Variants in ZNF668 observed in about 807,000 individuals in gnomAD.
ZNF668 encodes zinc finger protein 668.
ZNF668 carries 10 observed loss-of-function variants against 40.3 expected under a neutral mutation model. The observed-to-expected ratio is 0.25, with a 90% CI of 0.15 to 0.42. ZNF668 has a LOEUF of 0.42. Ranked by LOEUF, ZNF668 falls within the 10% of genes least tolerant of loss-of-function variation. The pLI, the probability that ZNF668 is intolerant of heterozygous loss-of-function variation, is 1.00. For synonymous variants in ZNF668, 428 were observed against 384.6 expected (o/e 1.11, Z -1.32); for missense variants, 749 against 904.6 (o/e 0.83, Z 2.21).
At position 31,061,668 on chromosome 16, in the gene ZNF668, C is replaced by T; in HGVS notation, c.1260G>A (p.Ala420=). The part of the protein sequence containing the change: ...HERTHRSSEA[A]GVPPAQELVV... ...CCAGCTCCTGTGCAGGGGGCACACC[C>T]GCGGCCTCACTGCTTCGATGGGTCC... Residue 420 remains alanine, a synonymous_variant, in exon 3 of 3, where the codon GCG becomes GCA. Transcript: ENST00000300849. The surrounding 1 kb of genome is among the most constrained non-coding windows in gnomAD (Gnocchi z 7.7). 8 of 1,613,246 alleles carry T rather than the reference C, an allele frequency of 5.0e-6. No individual in the cohort carries two copies. Among genetic ancestry groups the T allele is most frequent in the Non-Finnish European group, 6.8e-6 (8 of 1,179,900 alleles).
chr16:31,069,619 A>G (rs1178967766), intron 1 of ZNF668, among the ~76,000 whole-genome samples: 4 of 151,846 alleles, frequency 2.6e-5, no homozygotes, highest in Admixed American at 2.6e-4. Flanking sequence ...ACCTTTCTCA[A>G]TGCTATCTTT....
intron 1 of ZNF668, chr16:31,065,902 G>T: frequency 2.7e-6 from 1 of 372,326 alleles, no homozygotes; most frequent in Non-Finnish European, 3.7e-6. Context: ...CACGTTAGGG[G>T]TTGGTGGCTT....
In ZNF668 at chr16:31,063,889, C is replaced by G; in HGVS notation, c.571G>C (p.Ala191Pro). 2 of 1,594,132 alleles carry G rather than the reference C, an allele frequency of 1.3e-6. No individual in the cohort carries two copies. Among genetic ancestry groups the G allele is most frequent in the Non-Finnish European group, 1.7e-6 (2 of 1,170,808 alleles). ...SVFRKHRRTH[A>P]GLRPYSCERC... ...TCACAGCTGTAGGGCCGCAGGCCAG[C>G]GTGAGTACGCCGGTGCTTGCGGAAC... is the stretch of plus-strand genomic sequence containing the variant. Residue 191 changes from alanine (A) to proline (P), a missense_variant, in exon 2 of 3, where the codon GCT becomes CCT. By Grantham distance (27) the Ala-to-Pro change is conservative. Coordinates refer to ENST00000300849, the MANE Select transcript of ZNF668 (RefSeq NM_024706.5).
chr16:31,064,667 C>A (rs1284817975), intron 1 of ZNF668, 186 bp from the exon 2 acceptor site: 3 of 1,536,180 alleles, frequency 2.0e-6, no homozygotes, highest in Non-Finnish European at 2.6e-6. Flanking sequence ...AGGAGTTGGA[C>A]CAAGTGTCCG....
In ZNF668 at chr16:31,061,341, C is replaced by T; in HGVS notation, c.1587G>A (p.Thr529=). 3 of 1,607,332 alleles carry T rather than the reference C, an allele frequency of 1.9e-6. No homozygotes were observed. The highest frequency in any genetic ancestry group is 2.2e-5 in the East Asian group (1 of 44,720). ...GTGAGCGCTCGTGCCGACGCAGCAGCGTCATTGTGGAGAAGGTCTCCTTGC... is the reference window on the plus strand; with the variant it reads ...GTGAGCGCTCGTGCCGACGCAGCAGTGTCATTGTGGAGAAGGTCTCCTTGC... ...RECKETFSTM[T]LLRRHERSHP... The change falls in exon 3 of 3, where the codon ACG becomes ACA. Residue 529 remains threonine (T), a synonymous_variant. Transcript: ENST00000300849. This position sits in a 1 kb window ranked among gnomAD's most constrained non-coding sequence, Gnocchi z 7.7.
intron 2 of ZNF668, among the ~76,000 whole-genome samples, chr16:31,063,487 C>T (rs1481245656): frequency 6.6e-6 from 1 of 151,864 alleles, no homozygotes; most frequent in Non-Finnish European, 1.5e-5. Flanking sequence ...ATGACCTAGA[C>T]AAACCAGGCC....
intron 1 of ZNF668, chr16:31,066,051 C>G: frequency 1.0e-6 from 1 of 985,358 alleles, no homozygotes; most frequent in Non-Finnish European, 1.2e-6. Context: ...AGGGAGGACA[C>G]AGGAGCCCCT....
Position 31,061,918 on chromosome 16 carries a change from T to C in ZNF668, c.1010A>G (p.Lys337Arg). 1.2e-6 allele frequency: 2 copies of C among 1,613,442 alleles called. No homozygotes were observed. Among genetic ancestry groups the C allele is most frequent in the Non-Finnish European group, 1.7e-6 (2 of 1,179,758 alleles). Residue 337 changes from lysine (K) to arginine (R), a missense_variant, in exon 3 of 3, where the codon AAG becomes AGG. By Grantham distance (26) the Lys-to-Arg change is conservative. Coordinates refer to ENST00000300849, the MANE Select transcript of ZNF668 (RefSeq NM_024706.5). This position sits in a 1 kb window ranked among gnomAD's most constrained non-coding sequence, Gnocchi z 7.7. ...RRVHTGDRPFKCLQCDKTFVA... is the reference protein window; with the variant it reads ...RRVHTGDRPFRCLQCDKTFVA... ...GAACGTCTTGTCACATTGCAGGCAC[T>C]TGAACGGCCGGTCGCCTGTGTGCAC... is the stretch of plus-strand genomic sequence containing the variant.
chr16:31,066,805 A>G (rs915860922), intron 1 of ZNF668, among the ~76,000 whole-genome samples: 4 of 152,184 alleles, frequency 2.6e-5, no homozygotes, highest in African/African-American at 9.6e-5. Context: ...ACAGTTTCCA[A>G]GGGATCCCTC....
At chr16:31,066,157 C>T in intron 1 of ZNF668, 1 of 985,452 alleles carries the variant, frequency 1.0e-6, no homozygotes, top group Non-Finnish European at 1.2e-6. Context: ...CAACCCCATG[C>T]AGCCGGTCTT....
At chr16:31,072,889 C>T (rs1350947008) in intron 1 of ZNF668, 2 of 152,338 alleles carry the variant, frequency 1.3e-5, no homozygotes, top group Non-Finnish European at 2.9e-5. Flanking sequence ...CCTTTACATC[C>T]TTCAAGAACC....
intron 2 of ZNF668, among the ~76,000 whole-genome samples, chr16:31,063,399 G>A (rs2056951007): frequency 6.6e-6 from 1 of 151,956 alleles, no homozygotes; most frequent in Admixed American, 6.6e-5. Flanking sequence ...CCAAAGTGCT[G>A]GAATTATAGG....
chr16:31,061,289 TGCAGGGGAAGGGCCGGA>T lies in ZNF668; in HGVS notation c.1622_1638del (p.Leu541HisfsTer9). 2.6e-6 allele frequency: 4 copies of T among 1,568,126 alleles called. No individual in the cohort carries two copies. The highest frequency in any genetic ancestry group is 3.5e-6 in the Non-Finnish European group (4 of 1,156,294). ...TCAGAGAAGCTCTTGCCGCACTGGG[TGCAGGGGAAGGGCCGGA>T]GCTCCGGGTGTGAGCGCTCGTGCCG... On this transcript the variant is annotated frameshift_variant, in exon 3 of 3. Coordinates refer to ENST00000300849, the MANE Select transcript of ZNF668 (RefSeq NM_024706.5). LOFTEE classifies it high-confidence loss of function. The surrounding 1 kb of genome is among the most constrained non-coding windows in gnomAD (Gnocchi z 7.7).
rs746198844 is a variant in ZNF668, at chr16:31,061,417, G to A, written c.1511C>T (p.Ala504Val). Residue 504 changes from alanine to valine, a missense_variant, in exon 3 of 3, where the codon GCG becomes GTG. This residue lies in a region of ZNF668 where 310 missense variants were observed against 355.1 expected (regional missense o/e 0.87). Coordinates refer to ENST00000300849, the MANE Select transcript of ZNF668 (RefSeq NM_024706.5). This position sits in a 1 kb window ranked among gnomAD's most constrained non-coding sequence, Gnocchi z 7.7. ...CTTCTCGTCAGCCTCCTCACCCCCC[G>A]CCTCGCCTGCCCCTTCCAAGGGACC... ...APGPLEGAGE[A>V]GGEEADEKPP... The A allele has an allele frequency of 1.9e-6, 3 of 1,613,786 alleles. No homozygotes were observed. The highest frequency in any genetic ancestry group is 1.1e-5 in the South Asian group (1 of 91,080).
Position 31,062,038 on chromosome 16 carries a change from C to T in ZNF668, c.890G>A (p.Arg297His). The T allele has an allele frequency of 1.2e-6, 2 of 1,613,530 alleles. No homozygotes were observed. The highest frequency in any genetic ancestry group is 1.7e-6 in the Non-Finnish European group (2 of 1,179,790). ...CACCCCTTCATGGGCGCGCTGGTGG[C>T]GACGGAAGCTCGAGGGGTCGGAGAA... ...RMFSDPSSFR[R>H]HQRAHEGVKP... The change falls in exon 3 of 3, where the codon CGC (arginine) becomes CAC (histidine). Residue 297 changes from arginine to histidine, a missense_variant. By Grantham distance (29) the Arg-to-His change is conservative. Coordinates refer to ENST00000300849, the MANE Select transcript of ZNF668 (RefSeq NM_024706.5).
rs989780857 is a variant in ZNF668, at chr16:31,061,755, G to T, written c.1173C>A (p.Pro391=). 1 of 1,613,210 alleles carries T rather than the reference G, an allele frequency of 6.2e-7. No homozygotes were observed. ...ATTTCCCACATGCGTTACAGTGGAA[G>T]GGGCGCTCCCCCGAGTGCACCCGGC... ...KHSRVHSGER[P]FHCNACGKSF... The change falls in exon 3 of 3, where the codon CCC becomes CCA. Residue 391 remains proline (P), a synonymous_variant. Transcript: ENST00000300849. The surrounding 1 kb of genome is among the most constrained non-coding windows in gnomAD (Gnocchi z 7.7).
rs1384762214 is a variant in ZNF668, at chr16:31,063,865, C to T, written c.595G>A (p.Glu199Lys). 6.3e-7 allele frequency: 1 copy of T among 1,594,868 alleles called. No homozygotes were observed. The highest frequency in any genetic ancestry group is 8.5e-7 in the Non-Finnish European group (1 of 1,170,508). The stretch of plus-strand genomic sequence containing the variant: ...TCCGCATAGGCTTTGCCGCAACGCT[C>T]ACAGCTGTAGGGCCGCAGGCCAGCG... ...THAGLRPYSC[E>K]RCGKAYAELK... The change falls in exon 2 of 3, where the codon GAG becomes AAG. Residue 199 changes from glutamate (E) to lysine (K), a missense_variant. Glu to Lys is a moderately conservative substitution (Grantham distance 56). Coordinates refer to ENST00000300849, the MANE Select transcript of ZNF668 (RefSeq NM_024706.5).
intron 2 of ZNF668, among the ~76,000 whole-genome samples, chr16:31,063,480 A>G (rs1267533091): frequency 6.6e-6 from 1 of 151,542 alleles, no homozygotes; most frequent in East Asian, 1.9e-4. Flanking sequence ...AAAAAAAATG[A>G]CCTAGACAAA....
At chr16:31,069,748 G>T (rs530111378) in intron 1 of ZNF668, among the ~76,000 whole-genome samples, 4 of 149,100 alleles carry the variant, frequency 2.7e-5, no homozygotes, top group African/African-American at 9.9e-5. Context: ...GGGACTACAG[G>T]TGCCCGCCAC....
Sources: allele counts gnomAD v4.1 joint callset (sites outside exome capture counted in the v4.1 genomes callset), GRCh38; gene constraint gnomAD v4.1.1; regional missense constraint gnomAD v4.1.1; non-coding constraint Gnocchi (gnomAD v3.1); transcripts MANE v1.5; gene names NCBI Gene and HGNC (gene_info 2026-07-23, HGNC 2026-07-21).